The following MAEL variants were observed in gnomAD, a reference collection of about 807,000 sequenced individuals.
MAEL encodes maelstrom spermatogenic transposon silencer.
A neutral mutation model predicts 62.0 loss-of-function variants in MAEL; 46 were observed. That is an observed-to-expected ratio of 0.74 (90% CI 0.59 to 0.95). The LOEUF (loss-of-function observed/expected upper bound fraction) is 0.95, where lower values mean the gene tolerates loss of function less well. MAEL is among the 40% of genes least tolerant of loss of function. The pLI is 0.00. For synonymous variants in MAEL, 172 were observed against 175.5 expected, an observed-to-expected ratio of 0.98 and a Z score of 0.16; for missense variants, 497 against 526.8, an observed-to-expected ratio of 0.94 and a Z score of 0.55.
At position 166,989,450 on chromosome 1, in the gene MAEL, C is replaced by G; in HGVS notation, c.98C>G (p.Ala33Gly). Reference protein sequence around the residue: ...RRRGLPVARVADAIPYCSSDW... With the variant: ...RRRGLPVARVGDAIPYCSSDW... The stretch of plus-strand genomic sequence containing the variant: ...CGAGGCCTGCCTGTGGCTCGCGTTG[C>G]TGATGCCATCCCTTACTGCTCCTCA... The change falls in exon 1 of 12, where the codon GCT becomes GGT. Residue 33 changes from alanine (A) to glycine (G), a missense_variant. Ala to Gly is a moderately conservative substitution (Grantham distance 60). Coordinates refer to ENST00000367872, the MANE Select transcript of MAEL (RefSeq NM_032858.3). 1.3e-6 allele frequency: 2 copies of G among 1,588,814 alleles called. No homozygotes were observed. The highest frequency in any genetic ancestry group is 1.7e-6 in the Non-Finnish European group (2 of 1,168,032).
At chr1:166,975,875 C>A (rs1663561535) in intron 1 of MAEL, among the ~76,000 whole-genome samples, 1 of 152,074 alleles carries the variant, frequency 6.6e-6, no homozygotes, top group Admixed American at 6.5e-5. Flanking sequence ...CAGCCACAGC[C>A]AACCTGAACG....
chr1:167,004,983 C>T, intron 6 of MAEL, 93 bp from the exon 7 acceptor site: 1 of 1,249,420 alleles, frequency 8.0e-7, no homozygotes, highest in East Asian at 2.5e-5. Context: ...TCCCAACCCC[C>T]ACATTTTGAA....
chr1:166,990,366 T>TTA (rs911274130), intron 2 of MAEL: 1 of 152,116 alleles, frequency 6.6e-6, no homozygotes, highest in Non-Finnish European at 1.5e-5. Context: ...TTTACAAGAG[T>TTA]TGAATAGGCT....
At chr1:167,015,884 A>C (rs1334343863) in intron 8 of MAEL, among the ~76,000 whole-genome samples, 2 of 152,164 alleles carry the variant, frequency 1.3e-5, no homozygotes, top group African/African-American at 4.8e-5. Context: ...TTTTTTCAAT[A>C]CTGTATTTCT....
intron 8 of MAEL, among the ~76,000 whole-genome samples, chr1:167,007,458 AAC>A (rs1664965645): frequency 6.6e-6 from 1 of 152,086 alleles, no homozygotes. Flanking sequence ...AGTGGAGCAT[AAC>A]AGTTAGGAGA....
intron 10 of MAEL, 29 bp downstream of exon 10, chr1:167,017,988 G>T: frequency 6.2e-7 from 1 of 1,609,460 alleles, no homozygotes; most frequent in Non-Finnish European, 8.5e-7. Flanking sequence ...AGAGCTGCTG[G>T]TCTCTTTAGC....
chr1:166,987,922 T>C (rs1237834517), upstream of MAEL, among the ~76,000 whole-genome samples: 1 of 152,188 alleles, frequency 6.6e-6, no homozygotes, highest in East Asian at 1.9e-4. Context: ...TCTATACAGT[T>C]CAATATTACT....
At chr1:167,004,550 GTTC>G (rs1251502747) in intron 6 of MAEL, among the ~76,000 whole-genome samples, 12 of 152,118 alleles carry the variant, frequency 7.9e-5, no homozygotes, top group Admixed American at 2.6e-4. Context: ...TGTTCTCTGA[GTTC>G]TTCTTTCTGA....
In MAEL at chr1:166,989,729, C is replaced by T. The variant is rs1458650607; in HGVS notation, c.133-8C>T. 1.2e-6 allele frequency: 2 copies of T among 1,612,730 alleles called. No homozygotes were observed. Among genetic ancestry groups the T allele is most frequent in the Admixed American group, 3.3e-5 (2 of 59,894 alleles). On this transcript the variant is annotated splice_region_variant and splice_polypyrimidine_tract_variant and intron_variant, in intron 1 of 11. Coordinates refer to ENST00000367872, the MANE Select transcript of MAEL (RefSeq NM_032858.3). Reference sequence around the variant, plus strand: ...GTTTCTCTTCTTTGCTCCTTCAATCCCCAAAAGCTTCTGAGGGAGGAAGAA... The same window carrying T: ...GTTTCTCTTCTTTGCTCCTTCAATCTCCAAAAGCTTCTGAGGGAGGAAGAA...
At chr1:167,020,044 A>G (rs895149435) in intron 10 of MAEL, among the ~76,000 whole-genome samples, 1 of 152,136 alleles carries the variant, frequency 6.6e-6, no homozygotes, top group African/African-American at 2.4e-5. Flanking sequence ...GACTACCACC[A>G]TCTTCTACTA....
At position 166,992,687 on chromosome 1, in the gene MAEL, T is replaced by G; in HGVS notation, c.327T>G (p.Ala109=). 6.4e-7 allele frequency: 1 copy of G among 1,570,512 alleles called. No individual in the cohort carries two copies. The highest frequency in any genetic ancestry group is 8.6e-7 in the Non-Finnish European group (1 of 1,166,780). The part of the protein sequence containing the change: ...MSALSLKGDQ[A]LLGGIFYFLN... Reference sequence around the variant, plus strand: ...TTTTATCTTACAATTTTTTTTTAGCTCTCCTTGGAGGCATTTTTTATTTTT... The same window carrying G: ...TTTTATCTTACAATTTTTTTTTAGCGCTCCTTGGAGGCATTTTTTATTTTT... The change falls in exon 4 of 12, where the codon GCT becomes GCG. Residue 109 remains alanine, a splice_region_variant and synonymous_variant. Transcript: ENST00000367872.
At chr1:166,982,292 T>C (rs1301000921) in intron 1 of MAEL, among the ~76,000 whole-genome samples, 1 of 152,200 alleles carries the variant, frequency 6.6e-6, no homozygotes, top group Non-Finnish European at 1.5e-5. Flanking sequence ...TGGGATCTCA[T>C]AGATGTCAAA....
chr1:167,003,697 A>AT (rs1664772734), intron 5 of MAEL, among the ~76,000 whole-genome samples: 2 of 152,188 alleles, frequency 1.3e-5, no homozygotes, highest in African/African-American at 4.8e-5. Flanking sequence ...TGTGATCTTA[A>AT]TATCCTCACG....
chr1:166,989,364 T>C lies in MAEL; in HGVS notation c.12T>C (p.Arg4=), dbSNP rs2296837. Residue 4 remains arginine (R), a synonymous_variant, in exon 1 of 12, where the codon CGT becomes CGC. Transcript: ENST00000367872. ...TTGACCGCGCTGCCATGCCGAACCG[T>C]AAGGCCAGCCGGAATGCTTACTATT... MPN[R]KASRNAYYFF... 404,293 of 1,608,538 alleles carry C rather than the reference T, an allele frequency of 0.25. 54,234 individuals carry two copies. Among genetic ancestry groups the C allele is most frequent in the African/African-American group, 0.53 (39,391 of 74,918 alleles).
chr1:167,008,610 T>C (rs1026825062), intron 8 of MAEL, among the ~76,000 whole-genome samples: 1 of 152,032 alleles, frequency 6.6e-6, no homozygotes, highest in African/African-American at 2.4e-5. Flanking sequence ...GCTGTTACTC[T>C]CTTTGTATGT....
intron 5 of MAEL, among the ~76,000 whole-genome samples, chr1:166,995,520 G>A (rs555667722): frequency 4.6e-5 from 7 of 151,940 alleles, no homozygotes; most frequent in Admixed American, 3.3e-4. Context: ...GATTACAGGC[G>A]TGAGCCACCG....
chr1:167,016,193 A>G, intron 8 of MAEL, 29 bp from the exon 9 acceptor site: 1 of 1,592,586 alleles, frequency 6.3e-7, no homozygotes, highest in Non-Finnish European at 8.6e-7. Flanking sequence ...TACTTCAGTT[A>G]GGATATTAAA....
chr1:167,018,685 C>A (rs549065489), intron 10 of MAEL, among the ~76,000 whole-genome samples: 1 of 152,280 alleles, frequency 6.6e-6, no homozygotes, highest in East Asian at 1.9e-4. Context: ...GCATGAACTA[C>A]TGATGAAAAC....
At chr1:166,975,613 C>G (rs1444980299) in exon 1 of MAEL, 5 of 152,060 alleles carry the variant, frequency 3.3e-5, no homozygotes, top group African/African-American at 1.2e-4. Flanking sequence ...CCGCCGCCCG[C>G]TGCCGCGACT....
Sources: gnomAD v4.1 joint callset for allele counts (sites outside exome capture counted in the v4.1 genomes callset) on GRCh38, gnomAD v4.1.1 for gene constraint, MANE v1.5 for transcripts, NCBI Gene and HGNC (gene_info 2026-07-23, HGNC 2026-07-21) for gene names.